Variants in CEP83 observed in about 807,000 individuals in gnomAD.
CEP83 encodes centrosomal protein of 83 kDa.
Under a neutral mutation model 101.9 loss-of-function variants are expected in CEP83, and 70 were observed. The ratio of observed to expected loss-of-function variants is 0.69; its 90% CI spans 0.57 to 0.84. The LOEUF (loss-of-function observed/expected upper bound fraction) is 0.84, where lower values mean the gene tolerates loss of function less well. Among genes scored for constraint, CEP83 ranks in the 40% least tolerant of loss-of-function variants. The pLI is 0.00. For synonymous variants in CEP83, 264 were observed against 267.9 expected (o/e 0.99, Z 0.14); for missense variants, 715 against 787.2 (o/e 0.91, Z 1.10).
chr12:94,453,955 G>A (rs1315465925), intron 1 of CEP83, among the ~76,000 whole-genome samples: 1 of 152,054 alleles, frequency 6.6e-6, no homozygotes, highest in East Asian at 1.9e-4. Flanking sequence ...AAATTAGCTG[G>A]GCATGGTTGC....
At chr12:94,454,645 G>A (rs1280876533) in intron 1 of CEP83, among the ~76,000 whole-genome samples, 1 of 152,218 alleles carries the variant, frequency 6.6e-6, no homozygotes, top group East Asian at 1.9e-4. Context: ...TGGAAGCTCT[G>A]TTCTTTTGCT....
chr12:94,292,062 C>T, the CEP83 span, among the ~76,000 whole-genome samples: 1 of 152,088 alleles, frequency 6.6e-6, no homozygotes, highest in Admixed American at 6.5e-5. Flanking sequence ...TAATTCTTTC[C>T]TTTTATTGTA....
the CEP83 span, chr12:94,282,351 G>A: frequency 5.6e-6 from 9 of 1,613,882 alleles, no homozygotes; most frequent in African/African-American, 4.0e-5. Context: ...CAGTTCCTCC[G>A]TGATTCTTGA....
At chr12:94,380,942 G>A (rs1050329072) in intron 6 of CEP83, among the ~76,000 whole-genome samples, 7 of 152,158 alleles carry the variant, frequency 4.6e-5, no homozygotes, top group Admixed American at 3.9e-4. Flanking sequence ...GCTGATGACT[G>A]AAAATTAGAT....
the CEP83 span, chr12:94,279,960 G>T: frequency 2.2e-6 from 1 of 464,714 alleles, no homozygotes; most frequent in Non-Finnish European, 4.0e-6. Context: ...CTTGCATCAT[G>T]AAATACAGAA....
At chr12:94,364,068 G>T (rs943955589) in intron 11 of CEP83, among the ~76,000 whole-genome samples, 11 of 151,250 alleles carry the variant, frequency 7.3e-5, no homozygotes, top group Non-Finnish European at 1.2e-4. Flanking sequence ...AATCCTAAAA[G>T]ACAGAAAGTG....
chr12:94,267,735 T>G, the CEP83 span, among the ~76,000 whole-genome samples: 20,218 of 152,174 alleles, frequency 0.13, 1,602 homozygotes, highest in African/African-American at 0.22. Context: ...TGTGACAAAC[T>G]GTTAGCAGAA....
intron 8 of CEP83, among the ~76,000 whole-genome samples, chr12:94,372,738 T>A (rs2061360569): frequency 6.6e-6 from 1 of 152,160 alleles, no homozygotes; most frequent in South Asian, 2.1e-4. Flanking sequence ...GAACACCGAA[T>A]AGGAAGTCAA....
chr12:94,275,930 A>G, the CEP83 span, among the ~76,000 whole-genome samples: 6 of 151,886 alleles, frequency 4.0e-5, no homozygotes, highest in African/African-American at 1.5e-4. Flanking sequence ...AAATGAACAC[A>G]TATCAATTTA....
chr12:94,345,002 C>A (rs758776043), intron 11 of CEP83, among the ~76,000 whole-genome samples: 15 of 152,050 alleles, frequency 9.9e-5, no homozygotes, highest in Non-Finnish European at 2.1e-4. Flanking sequence ...CAGAAATAGA[C>A]TCACACCTGT....
At chr12:94,377,282 G>T (rs2061602061) in intron 7 of CEP83, among the ~76,000 whole-genome samples, 1 of 152,108 alleles carries the variant, frequency 6.6e-6, no homozygotes. Context: ...CTGTAAAGAG[G>T]TTATTTACCC....
At chr12:94,278,833 T>TAA in the CEP83 span, among the ~76,000 whole-genome samples, 9 of 151,906 alleles carry the variant, frequency 5.9e-5, no homozygotes, top group Non-Finnish European at 1.2e-4. Context: ...CCGTCTCTAC[T>TAA]AAAAAAATAC....
In CEP83 at chr12:94,341,919, C is replaced by T. The variant is rs147877250; in HGVS notation, c.1344-6255G>A. ...ACAGAAAAGATTCTAACTGGCCAAA[C>T]TGTGGGATTATCATAGGATAAAACA... On this transcript the variant is annotated intron_variant, in intron 11 of 16. Transcript: ENST00000397809. Among the ~76,000 whole-genome samples the T allele has an allele frequency of 7.9e-4, 120 of 152,268 alleles. 1 individual carries two copies. The East Asian group carries it at 0.022, about 28-fold the overall frequency.
chr12:94,328,866 T>TACC (rs1265841849), intron 14 of CEP83, among the ~76,000 whole-genome samples: 1 of 152,242 alleles, frequency 6.6e-6, no homozygotes, highest in African/African-American at 2.4e-5. Context: ...TCTTACTAGT[T>TACC]AAGTAATCTT....
chr12:94,304,134 C>T, downstream of CEP83: 1 of 878,572 alleles, frequency 1.1e-6, no homozygotes, highest in South Asian at 1.7e-5. Flanking sequence ...TTCAGAACAG[C>T]TCTGGCATCC....
chr12:94,336,456 C>T (rs1415821222), intron 11 of CEP83, among the ~76,000 whole-genome samples: 2 of 152,114 alleles, frequency 1.3e-5, no homozygotes, highest in Non-Finnish European at 2.9e-5. Flanking sequence ...TCTTATCTGC[C>T]CAAGTAGAAT....
At chr12:94,407,469 T>C (rs1375236005) in intron 4 of CEP83, among the ~76,000 whole-genome samples, 1 of 152,172 alleles carries the variant, frequency 6.6e-6, no homozygotes, top group Non-Finnish European at 1.5e-5. Context: ...CTTCTAGCAT[T>C]ATATGTTCAA....
chr12:94,301,358 A>G, the CEP83 span, among the ~76,000 whole-genome samples: 1 of 152,252 alleles, frequency 6.6e-6, no homozygotes, highest in East Asian at 1.9e-4. Context: ...CTGATAAACT[A>G]TTAACCCAAA....
At chr12:94,333,756 C>G in intron 12 of CEP83, 117 bp from the exon 13 acceptor site, 2 of 883,654 alleles carry the variant, frequency 2.3e-6, no homozygotes, top group South Asian at 3.2e-5. Flanking sequence ...GCTGGTGTGT[C>G]CTTGGAGATG....
Sources: allele counts gnomAD v4.1 joint callset (sites outside exome capture counted in the v4.1 genomes callset), GRCh38; gene constraint gnomAD v4.1.1; transcripts MANE v1.5; gene names NCBI Gene and HGNC (gene_info 2026-07-23, HGNC 2026-07-21).